The following GALNT14 variants were observed in gnomAD, a reference collection of about 807,000 sequenced individuals.
GALNT14 encodes UDP-GalNAc:polypeptide N-acetylgalactosaminyltransferase 14.
A neutral mutation model predicts 77.5 loss-of-function variants in GALNT14; 60 were observed. That is an observed-to-expected ratio of 0.77 (90% CI 0.63 to 0.96). The LOEUF (loss-of-function observed/expected upper bound fraction) is 0.96. Among genes scored for constraint, GALNT14 ranks in the 40% least tolerant of loss-of-function variants. The pLI is 0.00. For missense variants in GALNT14, 710 were observed against 731.0 expected (o/e 0.97, Z 0.33); for synonymous variants, 280 against 281.7 (o/e 0.99, Z 0.06).
intron 1 of GALNT14, among the ~76,000 whole-genome samples, chr2:31,016,414 A>G (rs1358337194): frequency 6.6e-6 from 1 of 152,180 alleles, no homozygotes; most frequent in Admixed American, 6.5e-5. Flanking sequence ...AGGGTAGAGA[A>G]GGGACACAAT....
intron 1 of GALNT14, among the ~76,000 whole-genome samples, chr2:31,033,527 G>A (rs1672537901): frequency 6.6e-6 from 1 of 152,076 alleles, no homozygotes; most frequent in Non-Finnish European, 1.5e-5. Context: ...CATTTCCTAA[G>A]GAAACTCCTG....
intron 1 of GALNT14, among the ~76,000 whole-genome samples, chr2:31,034,188 C>T (rs74568185): frequency 6.6e-6 from 1 of 152,180 alleles, no homozygotes; most frequent in African/African-American, 2.4e-5. Flanking sequence ...TCTCTTCCTT[C>T]TTAATCTCCC....
At chr2:30,983,227 G>A (rs1470345844) in intron 2 of GALNT14, among the ~76,000 whole-genome samples, 1 of 152,136 alleles carries the variant, frequency 6.6e-6, no homozygotes. Flanking sequence ...CCTGGGGAGG[G>A]TAGTAAGGTA....
chr2:31,094,150 A>G (rs1676889681), intron 1 of GALNT14, among the ~76,000 whole-genome samples: 2 of 152,196 alleles, frequency 1.3e-5, no homozygotes. Context: ...CCCCACCCTA[A>G]CAGATCAATG....
chr2:30,913,363 AG>A (rs1293449095), intron 13 of GALNT14, among the ~76,000 whole-genome samples: 1 of 152,148 alleles, frequency 6.6e-6, no homozygotes. Context: ...CCTCTGGACC[AG>A]GTTACTCATT....
intron 1 of GALNT14, among the ~76,000 whole-genome samples, chr2:31,119,260 C>T (rs973492823): frequency 1.3e-5 from 2 of 152,002 alleles, no homozygotes; most frequent in African/African-American, 2.4e-5. Context: ...GCAATATATA[C>T]CATAAAGTCA....
intron 1 of GALNT14, among the ~76,000 whole-genome samples, chr2:31,060,128 C>T (rs1310658107): frequency 6.6e-6 from 1 of 152,170 alleles, no homozygotes; most frequent in East Asian, 1.9e-4. Context: ...AGACCAAAGG[C>T]AGGAAGGTTG....
the GALNT14 span, among the ~76,000 whole-genome samples, chr2:30,888,400 C>T: frequency 1.3e-5 from 2 of 152,206 alleles, no homozygotes; most frequent in Non-Finnish European, 2.9e-5. Context: ...GTTTCCTCAT[C>T]TGTAAAATAG....
chr2:30,942,200 C>G lies in GALNT14; in HGVS notation c.931+1G>C. The G allele has an allele frequency of 4.3e-6, 7 of 1,610,310 alleles. No individual in the cohort carries two copies. Among genetic ancestry groups the G allele is most frequent in the Admixed American group, 1.7e-5 (1 of 60,016 alleles). On this transcript the variant is annotated splice_donor_variant, in intron 9 of 14. Transcript: ENST00000349752. LOFTEE classifies it high-confidence loss of function. The stretch of plus-strand genomic sequence containing the variant: ...GTCAGGATGCAGAGGCAGGGACTCA[C>G]CAAAGTTCTCCCCACCCCAGATGTC...
chr2:30,966,335 C>A, intron 2 of GALNT14, 33 bp from the exon 3 acceptor site: 1 of 1,501,318 alleles, frequency 6.7e-7, no homozygotes, highest in South Asian at 1.1e-5. Context: ...CAAGTGAGAC[C>A]TTCAGGGACA....
chr2:31,115,703 C>T (rs1678070174), intron 1 of GALNT14, among the ~76,000 whole-genome samples: 1 of 152,266 alleles, frequency 6.6e-6, no homozygotes, highest in African/African-American at 2.4e-5. Flanking sequence ...CTTCTAAAGG[C>T]CCATCTGCCC....
rs57066682 is a variant in GALNT14 at position 31,130,784 on chromosome 2, G to GTGCGCGCA, written c.129+7173_129+7174insTGCGCGCA. Among the ~76,000 whole-genome samples the GTGCGCGCA allele has an allele frequency of 3.7e-4, 46 of 125,038 alleles. 1 individual carries two copies. The highest frequency in any genetic ancestry group is 1.8e-3 in the African/African-American group (45 of 24,598). 82.0% of individuals were successfully genotyped at this position (125,038 alleles called of 152,430 possible). On this transcript the variant is annotated intron_variant, in intron 1 of 14. Coordinates refer to ENST00000349752, the MANE Select transcript of GALNT14 (RefSeq NM_024572.4). ...TGTGTGTGTGTGTGTGTGTGTGTGT[G>GTGCGCGCA]CGCGCGCACCTGTGTGTGTGCCTGT...
intron 1 of GALNT14, among the ~76,000 whole-genome samples, chr2:31,017,745 G>T (rs1371241980): frequency 6.6e-6 from 1 of 152,092 alleles, no homozygotes; most frequent in African/African-American, 2.4e-5. Context: ...CGCTGCACAG[G>T]GCACAATGGA....
At chr2:31,107,243 C>T (rs1260378450) in intron 1 of GALNT14, among the ~76,000 whole-genome samples, 1 of 152,144 alleles carries the variant, frequency 6.6e-6, no homozygotes, top group East Asian at 1.9e-4. Flanking sequence ...TTTGCTCACC[C>T]TAGTCCTTAT....
chr2:31,093,495 T>C (rs1354772031), intron 1 of GALNT14, among the ~76,000 whole-genome samples: 2 of 152,188 alleles, frequency 1.3e-5, no homozygotes, highest in African/African-American at 4.8e-5. Flanking sequence ...CTATTAGCCA[T>C]CTAGAGGAGA....
chr2:31,015,782 C>T (rs1671313637), intron 1 of GALNT14, among the ~76,000 whole-genome samples: 1 of 152,184 alleles, frequency 6.6e-6, no homozygotes, highest in Non-Finnish European at 1.5e-5. Flanking sequence ...TTCTACAAAA[C>T]AACTGACTAG....
intron 1 of GALNT14, among the ~76,000 whole-genome samples, chr2:31,068,627 G>A (rs1376506247): frequency 6.6e-6 from 1 of 152,154 alleles, no homozygotes; most frequent in Non-Finnish European, 1.5e-5. Context: ...ACTAGAGACA[G>A]TTCTGGGATA....
chr2:30,910,169 C>A (rs1664273846), downstream of GALNT14, among the ~76,000 whole-genome samples: 1 of 151,484 alleles, frequency 6.6e-6, no homozygotes, highest in Non-Finnish European at 1.5e-5. Context: ...ATGTAACTAA[C>A]CTGCACAATG....
At chr2:31,121,764 C>T (rs57003857) in intron 1 of GALNT14, among the ~76,000 whole-genome samples, 3,556 of 152,152 alleles carry the variant, frequency 0.023, 91 homozygotes, top group African/African-American at 0.07. Flanking sequence ...AGTCATGTCC[C>T]CTCAACTGCA....
Sources: gnomAD v4.1 joint callset for allele counts (sites outside exome capture counted in the v4.1 genomes callset) on GRCh38, gnomAD v4.1.1 for gene constraint, MANE v1.5 for transcripts, NCBI Gene and HGNC (gene_info 2026-07-23, HGNC 2026-07-21) for gene names.